AKAP13: variants seen among roughly 807,000 people sequenced by gnomAD.
The protein encoded by AKAP13 is A-kinase anchor protein 13.
A neutral mutation model predicts 264.5 loss-of-function variants in AKAP13; 80 were observed. The ratio of observed to expected loss-of-function variants is 0.30; its 90% CI spans 0.25 to 0.36. The LOEUF is 0.36. AKAP13 is among the 10% of genes least tolerant of loss of function. The probability of loss-of-function intolerance (pLI) is 1.00; values close to 1 mark genes in which losing one functional copy is unlikely to be tolerated. For missense variants in AKAP13, 3,712 were observed against 3,435.2 expected, an observed-to-expected ratio of 1.08 and a Z score of -2.01; for synonymous variants, 1,380 against 1,250.2, an observed-to-expected ratio of 1.10 and a Z score of -2.19.
At chr15:85,494,345 G>A (rs2075815076) in intron 2 of AKAP13, among the ~76,000 whole-genome samples, 1 of 152,196 alleles carries the variant, frequency 6.6e-6, no homozygotes, top group African/African-American at 2.4e-5. Flanking sequence ...AAGGGTCTTT[G>A]GATGCCCCTT....
intron 8 of AKAP13, among the ~76,000 whole-genome samples, chr15:85,620,515 C>T (rs1567159437): frequency 6.6e-6 from 1 of 152,072 alleles, no homozygotes; most frequent in Admixed American, 6.5e-5. Context: ...CACCCCTCCG[C>T]CCCCAGACTC....
chr15:85,727,061 T>C lies in AKAP13; in HGVS notation c.6823-5T>C, dbSNP rs769930705. Reference sequence around the variant, plus strand: ...TCTTTTATTTGCCCTCTTCCCTTTTTCCAGGACCAGAAGTCAACAGTGATC... The same window carrying C: ...TCTTTTATTTGCCCTCTTCCCTTTTCCCAGGACCAGAAGTCAACAGTGATC... On this transcript the variant is annotated splice_region_variant and splice_polypyrimidine_tract_variant and intron_variant, in intron 27 of 36. Coordinates refer to ENST00000394518, the MANE Select transcript of AKAP13 (RefSeq NM_007200.5). The surrounding 1 kb of genome is among the most constrained non-coding windows in gnomAD (Gnocchi z 5.3). The C allele has an allele frequency of 3.1e-6, 5 of 1,614,138 alleles. No individual in the cohort carries two copies. Among genetic ancestry groups the C allele is most frequent in the Non-Finnish European group, 4.2e-6 (5 of 1,179,976 alleles).
chr15:85,617,353 C>T (rs1347748136), intron 8 of AKAP13, among the ~76,000 whole-genome samples: 2 of 152,196 alleles, frequency 1.3e-5, no homozygotes, highest in African/African-American at 2.4e-5. Flanking sequence ...AAACGATTCT[C>T]CTGCCTCAGC....
At chr15:85,457,199 T>C (rs1204369918) in intron 1 of AKAP13, among the ~76,000 whole-genome samples, 1 of 152,230 alleles carries the variant, frequency 6.6e-6, no homozygotes, top group Non-Finnish European at 1.5e-5. Context: ...GTAAGAGGCA[T>C]GTCTAAAATT....
chr15:85,483,779 C>G (rs1279701311), intron 1 of AKAP13, among the ~76,000 whole-genome samples: 2 of 152,216 alleles, frequency 1.3e-5, no homozygotes, highest in Non-Finnish European at 2.9e-5. Context: ...CCACTGCGCT[C>G]TAGCCTGGGC....
At chr15:85,626,493 A>C (rs62022865) in intron 8 of AKAP13, among the ~76,000 whole-genome samples, 12,567 of 152,290 alleles carry the variant, frequency 0.083, 735 homozygotes, top group Non-Finnish European at 0.12. Flanking sequence ...GTGGAGTCAT[A>C]CAACATTTGT....
chr15:85,682,323 T>C lies in AKAP13; in HGVS notation c.5156+111T>C, dbSNP rs2084644534. 3 of 1,087,498 alleles carry C rather than the reference T, an allele frequency of 2.8e-6. No individual in the cohort carries two copies. The African/African-American group carries it at 4.8e-5, about 17-fold the overall frequency. 67.4% of individuals were successfully genotyped at this position (1,087,498 alleles called of 1,614,324 possible). A position where few individuals can be genotyped will look rare whatever the true frequency, so the allele number is the denominator to read the frequency against. On this transcript the variant is annotated intron_variant, in intron 15 of 36. Coordinates refer to ENST00000394518, the MANE Select transcript of AKAP13 (RefSeq NM_007200.5). ...TTAATTGAGCTTATTGGGTTCTTCT[T>C]TGAGTGATAAACTTGGAATAATGAT... is the stretch of plus-strand genomic sequence containing the variant.
intron 1 of AKAP13, among the ~76,000 whole-genome samples, chr15:85,399,474 G>A (rs549470071): frequency 1.7e-4 from 22 of 126,756 alleles, no homozygotes; most frequent in African/African-American, 5.8e-4. Context: ...CCGCAGTCCG[G>A]CCTGGGCGAC....
intron 7 of AKAP13, 30 bp from the exon 8 acceptor site, chr15:85,585,672 A>G: frequency 6.2e-7 from 1 of 1,613,454 alleles, no homozygotes; most frequent in Admixed American, 1.7e-5. Flanking sequence ...GTTTTTAAAA[A>G]TGTACTCTGT....
rs201371690 is a variant in AKAP13, at chr15:85,580,683, A to G, written c.2615A>G (p.His872Arg). 1.2e-6 allele frequency: 2 copies of G among 1,614,180 alleles called. No homozygotes were observed. Among genetic ancestry groups the G allele is most frequent in the South Asian group, 1.1e-5 (1 of 91,086 alleles). ...AGTCTCACAGGACTTGGTGGAGAGCATGAGGGTCCCGCCCCTCCAGCAATC... is the reference window on the plus strand; with the variant it reads ...AGTCTCACAGGACTTGGTGGAGAGCGTGAGGGTCCCGCCCCTCCAGCAATC... Reference protein sequence around the residue: ...NTSLTGLGGEHEGPAPPAIPE... With the variant: ...NTSLTGLGGEREGPAPPAIPE... The change falls in exon 7 of 37, where the codon CAT becomes CGT. Residue 872 changes from histidine (H) to arginine (R), a missense_variant. Physicochemically the swap from His to Arg is conservative, Grantham distance 29. This residue lies in a region of AKAP13 where 2,759 missense variants were observed against 2,411.7 expected (regional missense o/e 1.14). Coordinates refer to ENST00000394518, the MANE Select transcript of AKAP13 (RefSeq NM_007200.5).
Position 85,742,937 on chromosome 15 carries a change from C to T in AKAP13, c.8059-555C>T, listed in dbSNP as rs535493752. Among the ~76,000 whole-genome samples, 22 of 152,214 alleles carry T rather than the reference C, an allele frequency of 1.4e-4. No homozygotes were observed. In the South Asian group the frequency reaches 4.6e-3, roughly 32 times the overall value. On this transcript the variant is annotated intron_variant, in intron 35 of 36. Transcript: ENST00000394518. ...CTTTTTATGACATAAGGAGGGATTC[C>T]ACCCCCATCCCAATAAAATCGGTGC...
chr15:85,725,065 G>A (rs1005431373), intron 26 of AKAP13, among the ~76,000 whole-genome samples: 17 of 152,150 alleles, frequency 1.1e-4, no homozygotes, highest in East Asian at 5.8e-4. Flanking sequence ...GCTGTTGCCT[G>A]GATCCAGCGC....
At position 85,482,741 on chromosome 15, in the gene AKAP13, G is replaced by A. The variant is rs150632589; in HGVS notation, c.-11-2969G>A. 1.1e-3 allele frequency among the ~76,000 whole-genome samples: 164 copies of A among 152,306 alleles called. 1 individual carries two copies. The highest frequency in any genetic ancestry group is 3.9e-3 in the African/African-American group (160 of 41,552). On this transcript the variant is annotated intron_variant, in intron 1 of 36. Coordinates refer to ENST00000394518, the MANE Select transcript of AKAP13 (RefSeq NM_007200.5). ...AAATAGGGGAAATAGTATCTTTTTAGTGGGGATTAAATGTAATATCAAATA... is the reference window on the plus strand; with the variant it reads ...AAATAGGGGAAATAGTATCTTTTTAATGGGGATTAAATGTAATATCAAATA...
At chr15:85,662,635 C>G (rs2083410459) in intron 12 of AKAP13, among the ~76,000 whole-genome samples, 1 of 152,168 alleles carries the variant, frequency 6.6e-6, no homozygotes, top group Non-Finnish European at 1.5e-5. Flanking sequence ...GGGATGCAGC[C>G]TAAGAGTCGG....
intron 1 of AKAP13, among the ~76,000 whole-genome samples, chr15:85,429,360 AAG>A (rs886223888): frequency 6.6e-6 from 1 of 152,170 alleles, no homozygotes; most frequent in African/African-American, 2.4e-5. Flanking sequence ...CAGGGTAGGG[AAG>A]AGTCAGAGAG....
intron 5 of AKAP13, among the ~76,000 whole-genome samples, chr15:85,544,911 A>G (rs1396450725): frequency 6.6e-6 from 1 of 152,174 alleles, no homozygotes. Context: ...TTTATGTTTT[A>G]CCATTTTTAA....
chr15:85,454,079 C>G (rs1271259476), intron 1 of AKAP13, among the ~76,000 whole-genome samples: 1 of 152,210 alleles, frequency 6.6e-6, no homozygotes, highest in Admixed American at 6.5e-5. Flanking sequence ...GAATTCCAAG[C>G]CAGTGGGTCT....
At chr15:85,630,718 A>T (rs2081740353) in intron 8 of AKAP13, among the ~76,000 whole-genome samples, 3 of 152,208 alleles carry the variant, frequency 2.0e-5, no homozygotes. Flanking sequence ...AGATTTTTCC[A>T]TTAAAAAAAA....
intron 29 of AKAP13, among the ~76,000 whole-genome samples, chr15:85,729,118 G>C (rs2087802354): frequency 6.6e-6 from 1 of 152,126 alleles, no homozygotes; most frequent in Non-Finnish European, 1.5e-5. Context: ...GACCAACATG[G>C]TGAAACCCCA....
Sources: allele counts gnomAD v4.1 joint callset (sites outside exome capture counted in the v4.1 genomes callset), GRCh38; gene constraint gnomAD v4.1.1; regional missense constraint gnomAD v4.1.1; non-coding constraint Gnocchi (gnomAD v3.1); transcripts MANE v1.5; gene names NCBI Gene and HGNC (gene_info 2026-07-23, HGNC 2026-07-21).